IQGAP2: variants seen among roughly 807,000 people sequenced by gnomAD.
IQGAP2 encodes the protein IQ motif containing GTPase activating protein 2.
In IQGAP2, 173 loss-of-function variants were observed where a neutral mutation model predicts 201.3. The observed-to-expected ratio is 0.86, with a 90% CI of 0.76 to 0.98. The LOEUF is 0.98. Ranked by LOEUF, IQGAP2 falls within the 50% of genes least tolerant of loss-of-function variation. The pLI, the probability that IQGAP2 is intolerant of heterozygous loss-of-function variation, is 0.00. For synonymous variants in IQGAP2, 675 were observed against 673.9 expected (o/e 1.00, Z -0.03); for missense variants, 1,687 against 1,864.8 (o/e 0.90, Z 1.76).
At chr5:76,458,458 G>T (rs1754227371) in intron 1 of IQGAP2, among the ~76,000 whole-genome samples, 1 of 152,124 alleles carries the variant, frequency 6.6e-6, no homozygotes, top group African/African-American at 2.4e-5. Flanking sequence ...AGTCTCTGTG[G>T]CCCAGAAGGA....
intron 1 of IQGAP2, among the ~76,000 whole-genome samples, chr5:76,451,873 A>G (rs1753774986): frequency 6.6e-6 from 1 of 152,184 alleles, no homozygotes; most frequent in Admixed American, 6.5e-5. Context: ...CGTCTCTACT[A>G]AAAATACAAA....
Position 76,564,959 on chromosome 5 carries a change from A to C in IQGAP2, c.303+2407A>C, listed in dbSNP as rs191818805. 1.7e-3 allele frequency among the ~76,000 whole-genome samples: 262 copies of C among 152,366 alleles called. 1 individual carries two copies. Among genetic ancestry groups the C allele is most frequent in the African/African-American group, 6.2e-3 (256 of 41,580 alleles). ...ATGGAAAGGACCCCTCTGTGGATTG[A>C]CTACAGAAAAGAGGTTTGTTTTTTT... On this transcript the variant is annotated intron_variant, in intron 3 of 35. Coordinates refer to ENST00000274364, the MANE Select transcript of IQGAP2 (RefSeq NM_006633.5).
chr5:76,597,184 C>G, intron 9 of IQGAP2: 2 of 429,730 alleles, frequency 4.7e-6, no homozygotes, highest in Non-Finnish European at 8.4e-6. Context: ...GGAAGGAAGT[C>G]ATGCTACTCA....
chr5:76,684,043 C>A, intron 30 of IQGAP2, 126 bp downstream of exon 30: 1 of 749,552 alleles, frequency 1.3e-6, no homozygotes, highest in East Asian at 3.0e-5. Context: ...TTATGTATAT[C>A]CATCAAACAT....
intron 9 of IQGAP2, among the ~76,000 whole-genome samples, chr5:76,594,396 T>C (rs1204212944): frequency 2.0e-5 from 3 of 152,364 alleles, no homozygotes; most frequent in Admixed American, 2.0e-4. Context: ...CTTTACTCAG[T>C]GCCATAATTT....
intron 2 of IQGAP2, among the ~76,000 whole-genome samples, chr5:76,540,548 T>A (rs1430516095): frequency 6.6e-6 from 1 of 152,144 alleles, no homozygotes; most frequent in Non-Finnish European, 1.5e-5. Context: ...AACAACGGAC[T>A]GGAATGAGAA....
At chr5:76,701,753 A>G (rs916685396) in intron 34 of IQGAP2, 2 of 152,596 alleles carry the variant, frequency 1.3e-5, no homozygotes, top group African/African-American at 4.8e-5. Flanking sequence ...ACTCACTGGC[A>G]TTTGCCTTTT....
intron 17 of IQGAP2, among the ~76,000 whole-genome samples, chr5:76,643,735 A>G (rs1339795358): frequency 1.3e-5 from 2 of 152,186 alleles, no homozygotes; most frequent in African/African-American, 4.8e-5. Context: ...CCTGAGAATT[A>G]ATGAATTATT....
Position 76,702,552 on chromosome 5 carries a change from C to T in IQGAP2, c.4576C>T (p.Leu1526Phe), listed in dbSNP as rs1197829365. 7 of 1,596,670 alleles carry T rather than the reference C, an allele frequency of 4.4e-6. No individual in the cohort carries two copies. Among genetic ancestry groups the T allele is most frequent in the Non-Finnish European group, 6.0e-6 (7 of 1,164,330 alleles). The change falls in exon 35 of 36, where the codon CTT (leucine) becomes TTT (phenylalanine). Residue 1526 changes from leucine to phenylalanine, a missense_variant. Coordinates refer to ENST00000274364, the MANE Select transcript of IQGAP2 (RefSeq NM_006633.5). ...CATTTTCGATGTAAGATCAAAATTC[C>T]TTGGTGTTGAGATGGAAAAGGTGCA... The part of the protein sequence containing the change: ...VGIFDVRSKF[L>F]GVEMEKVQLN...
intron 2 of IQGAP2, among the ~76,000 whole-genome samples, chr5:76,479,318 G>GA (rs1488670475): frequency 6.6e-6 from 1 of 152,198 alleles, no homozygotes; most frequent in African/African-American, 2.4e-5. Context: ...TGTGATCTCA[G>GA]AAGTTCTGGC....
At chr5:76,554,662 A>G (rs1743814061) in intron 2 of IQGAP2, among the ~76,000 whole-genome samples, 1 of 152,222 alleles carries the variant, frequency 6.6e-6, no homozygotes, top group Non-Finnish European at 1.5e-5. Flanking sequence ...ACAGAAGAAT[A>G]TTGGTAAGGA....
At chr5:76,507,116 A>G (rs1757645479) in intron 2 of IQGAP2, among the ~76,000 whole-genome samples, 1 of 152,270 alleles carries the variant, frequency 6.6e-6, no homozygotes, top group South Asian at 2.1e-4. Flanking sequence ...TTTAAGACTT[A>G]TTATAAATCT....
chr5:76,683,897 T>G lies in IQGAP2; in HGVS notation c.3885T>G (p.Asp1295Glu). The G allele has an allele frequency of 1.2e-6, 2 of 1,612,662 alleles. No individual in the cohort carries two copies. Among genetic ancestry groups the G allele is most frequent in the Non-Finnish European group, 1.7e-6 (2 of 1,179,348 alleles). Residue 1295 changes from aspartate (D) to glutamate (E), a missense_variant, in exon 30 of 36, where the codon GAT (aspartate) becomes GAG (glutamate). Transcript: ENST00000274364. Reference protein sequence around the residue: ...KYDIEDGEAIDSRSLMIKTKK... With the variant: ...KYDIEDGEAIESRSLMIKTKK... The stretch of plus-strand genomic sequence containing the variant: ...ACATAGAGGACGGTGAAGCTATAGA[T>G]AGCCGAAGCCTCATGATAAAGTAAG...
At chr5:76,615,767 T>C (rs1236906531) in intron 13 of IQGAP2, 1 of 83,636 alleles carries the variant, frequency 1.2e-5, no homozygotes, top group Non-Finnish European at 3.1e-5. Context: ...TGGGTATTAA[T>C]AACAAAATTC....
chr5:76,695,599 C>T lies in IQGAP2; in HGVS notation c.4139C>T (p.Thr1380Met), dbSNP rs561087982. Reference sequence around the variant, plus strand: ...AGGAAAATCCAGAGGAATCTTCGGACGTTGGAACAGACTGGACACGTGTCA... The same window carrying T: ...AGGAAAATCCAGAGGAATCTTCGGATGTTGGAACAGACTGGACACGTGTCA... ...KKRKIQRNLR[T>M]LEQTGHVSSE... is the part of the protein sequence containing the mutation. Residue 1380 changes from threonine (T) to methionine (M), a missense_variant, in exon 32 of 36, where the codon ACG becomes ATG. By Grantham distance (81) the Thr-to-Met change is moderately conservative. Transcript: ENST00000274364. 7 of 1,614,122 alleles carry T rather than the reference C, an allele frequency of 4.3e-6. No homozygotes were observed. Among genetic ancestry groups the T allele is most frequent in the South Asian group, 3.3e-5 (3 of 91,078 alleles).
At chr5:76,591,715 A>T (rs891787063) in intron 8 of IQGAP2, among the ~76,000 whole-genome samples, 1 of 152,120 alleles carries the variant, frequency 6.6e-6, no homozygotes, top group Admixed American at 6.6e-5. Context: ...AAGGTCTGAC[A>T]TGGAATCCCT....
chr5:76,419,166 C>T (rs548443867), intron 1 of IQGAP2, among the ~76,000 whole-genome samples: 13 of 152,154 alleles, frequency 8.5e-5, no homozygotes, highest in African/African-American at 2.9e-4. Flanking sequence ...TTGACGGGGT[C>T]TGGCTCTGTT....
At chr5:76,434,158 C>A (rs537912950) in intron 1 of IQGAP2, among the ~76,000 whole-genome samples, 10 of 152,284 alleles carry the variant, frequency 6.6e-5, no homozygotes, top group Admixed American at 2.6e-4. Context: ...ACCTGATCCA[C>A]TTTTGAGGAC....
chr5:76,407,114 G>A (rs4479826), intron 1 of IQGAP2, among the ~76,000 whole-genome samples: 46,038 of 151,832 alleles, frequency 0.3, 8,449 homozygotes, highest in Non-Finnish European at 0.4. Flanking sequence ...TGAGTAGCTG[G>A]TACTACAGGC....
Sources: allele counts gnomAD v4.1 joint callset (sites outside exome capture counted in the v4.1 genomes callset), GRCh38; gene constraint gnomAD v4.1.1; transcripts MANE v1.5; gene names NCBI Gene and HGNC (gene_info 2026-07-23, HGNC 2026-07-21).